UBR4: variants seen among roughly 807,000 people sequenced by gnomAD.
UBR4 encodes the protein ubiquitin protein ligase E3 component n-recognin 4.
UBR4 carries 124 observed loss-of-function variants against 575.6 expected under a neutral mutation model. The ratio of observed to expected loss-of-function variants is 0.22; its 90% CI spans 0.19 to 0.25. The LOEUF (loss-of-function observed/expected upper bound fraction) is 0.25, where lower values mean the gene tolerates loss of function less well. Among genes scored for constraint, UBR4 ranks in the 10% least tolerant of loss-of-function variants. UBR4 has a pLI of 1.00. For synonymous variants in UBR4, 2,455 were observed against 2,473.7 expected (o/e 0.99, Z 0.22); for missense variants, 4,818 against 6,478.8 (o/e 0.74, Z 8.80).
chr1:19,195,208 T>C (rs1571733335), intron 8 of UBR4, among the ~76,000 whole-genome samples: 3 of 150,950 alleles, frequency 2.0e-5, no homozygotes, highest in African/African-American at 7.3e-5. Flanking sequence ...GAGCTTGCAG[T>C]GAGCCAAGAC....
intron 18 of UBR4, 140 bp from the exon 19 acceptor site, chr1:19,177,883 G>A (rs1347795251): frequency 9.2e-7 from 1 of 1,085,654 alleles, no homozygotes; most frequent in Non-Finnish European, 1.3e-6. Context: ...AGGCTACATG[G>A]TAAAGACAAG....
chr1:19,135,437 A>G (rs2083091564), intron 60 of UBR4, among the ~76,000 whole-genome samples: 1 of 152,238 alleles, frequency 6.6e-6, no homozygotes, highest in Non-Finnish European at 1.5e-5. Context: ...AACTCCAGCC[A>G]AAATTTATGA....
At chr1:19,081,728 C>T (rs779424137) in intron 102 of UBR4, 155 bp from the exon 103 acceptor site, 1 of 823,846 alleles carries the variant, frequency 1.2e-6, no homozygotes. Flanking sequence ...CGACTACTCC[C>T]ACTTCCTCTG....
chr1:19,135,843 A>G (rs1181828219), intron 60 of UBR4, among the ~76,000 whole-genome samples: 2 of 152,160 alleles, frequency 1.3e-5, no homozygotes, highest in Admixed American at 6.5e-5. Context: ...ACTAGCCCAC[A>G]CATCCAAGAG....
intron 11 of UBR4, among the ~76,000 whole-genome samples, chr1:19,190,427 T>C (rs2091979834): frequency 6.6e-6 from 1 of 151,138 alleles, no homozygotes; most frequent in Non-Finnish European, 1.5e-5. Flanking sequence ...ACACAGAAGA[T>C]GCTCAGAGGG....
chr1:19,201,842 G>C, intron 1 of UBR4, 27 bp from the exon 2 acceptor site: 1 of 1,602,414 alleles, frequency 6.2e-7, no homozygotes. Context: ...AATTCAGCCA[G>C]CATCTGCTTA....
chr1:19,161,499 C>T, intron 37 of UBR4, 90 bp downstream of exon 37: 1 of 1,499,632 alleles, frequency 6.7e-7, no homozygotes, highest in Non-Finnish European at 9.0e-7. Flanking sequence ...ACTCAGGTAT[C>T]CTGGAGGTGA....
chr1:19,149,696 A>G, intron 49 of UBR4: 1 of 1,242,236 alleles, frequency 8.1e-7, no homozygotes, highest in Non-Finnish European at 1.1e-6. Flanking sequence ...GCAAAGCCAC[A>G]CCATTGGTTA....
intron 1 of UBR4, among the ~76,000 whole-genome samples, chr1:19,202,263 G>A (rs1477985144): frequency 2.0e-5 from 3 of 152,122 alleles, no homozygotes; most frequent in African/African-American, 7.2e-5. Context: ...TCAGGCTAGG[G>A]AAGAAGCAGA....
At chr1:19,207,112 A>C (rs924418198) in intron 1 of UBR4, among the ~76,000 whole-genome samples, 1 of 152,220 alleles carries the variant, frequency 6.6e-6, no homozygotes, top group African/African-American at 2.4e-5. Context: ...ACAAGGAAGA[A>C]AAACATGGCA....
intron 1 of UBR4, among the ~76,000 whole-genome samples, chr1:19,202,342 A>G (rs1442768569): frequency 6.6e-6 from 1 of 152,210 alleles, no homozygotes; most frequent in Admixed American, 6.5e-5. Context: ...ACCTAACAGG[A>G]TATCAATCTG....
intron 60 of UBR4, among the ~76,000 whole-genome samples, chr1:19,133,424 G>A (rs1305356953): frequency 1.3e-5 from 2 of 152,116 alleles, no homozygotes; most frequent in African/African-American, 4.8e-5. Context: ...AAAAACCCTT[G>A]TGCTAACATC....
Position 19,156,327 on chromosome 1 carries a change from C to G in UBR4, c.6016G>C (p.Val2006Leu). 2 of 1,614,178 alleles carry G rather than the reference C, an allele frequency of 1.2e-6. No homozygotes were observed. Among genetic ancestry groups the G allele is most frequent in the South Asian group, 1.1e-5 (1 of 91,084 alleles). ...TCGGTCTGTGAACCAGGTAACCACACGGCTTTGATGATGAAGTTCCCCGTT... is the reference window on the plus strand; with the variant it reads ...TCGGTCTGTGAACCAGGTAACCACAGGGCTTTGATGATGAAGTTCCCCGTT... ...LATGNFIIKA[V>L]WLPGSQTELA... The change falls in exon 42 of 106, where the codon GTG (valine) becomes CTG (leucine). Residue 2006 changes from valine to leucine, a missense_variant. By Grantham distance (32) the Val-to-Leu change is conservative. Transcript: ENST00000375254.
intron 27 of UBR4, 39 bp from the exon 28 acceptor site, chr1:19,168,223 C>G: frequency 6.7e-7 from 1 of 1,486,382 alleles, no homozygotes; most frequent in Non-Finnish European, 9.0e-7. Context: ...GATAGACCAT[C>G]TACCCTGGAA....
chr1:19,137,130 T>C (rs954139730), intron 60 of UBR4, among the ~76,000 whole-genome samples: 7 of 151,846 alleles, frequency 4.6e-5, no homozygotes, highest in Non-Finnish European at 1.0e-4. Context: ...CAAAACTCCA[T>C]CTCTACAAAA....
intron 11 of UBR4, among the ~76,000 whole-genome samples, chr1:19,189,782 C>T (rs2091895691): frequency 6.6e-6 from 1 of 152,162 alleles, no homozygotes; most frequent in Non-Finnish European, 1.5e-5. Flanking sequence ...TTTCATTTCC[C>T]TTTACAATGC....
intron 39 of UBR4, among the ~76,000 whole-genome samples, chr1:19,159,008 G>A (rs985817957): frequency 2.0e-5 from 3 of 152,012 alleles, no homozygotes. Flanking sequence ...CAGGCATGAT[G>A]GTGCATGCCT....
At chr1:19,189,554 T>C (rs2091874912) in intron 11 of UBR4, among the ~76,000 whole-genome samples, 1 of 152,224 alleles carries the variant, frequency 6.6e-6, no homozygotes, top group African/African-American at 2.4e-5. Context: ...CCCATTTTTG[T>C]AAACTTATAT....
intron 1 of UBR4, among the ~76,000 whole-genome samples, chr1:19,205,184 T>A (rs1182977396): frequency 6.6e-6 from 1 of 152,044 alleles, no homozygotes; most frequent in African/African-American, 2.4e-5. Context: ...ACCAAATAAA[T>A]GTGATGCAGA....
Sources: gnomAD v4.1 joint callset for allele counts (sites outside exome capture counted in the v4.1 genomes callset) on GRCh38, gnomAD v4.1.1 for gene constraint, MANE v1.5 for transcripts, NCBI Gene and HGNC (gene_info 2026-07-23, HGNC 2026-07-21) for gene names.